Variants in KCTD21 observed in about 807,000 individuals in gnomAD.
The protein encoded by KCTD21 is potassium channel tetramerization domain containing 21, also known as BTB/POZ domain-containing protein KCTD21.
Under a neutral mutation model 13.2 loss-of-function variants are expected in KCTD21, and 9 were observed. That is an observed-to-expected ratio of 0.68 (90% confidence interval 0.41 to 1.19). The LOEUF is 1.19. KCTD21 is among the 50% of genes most tolerant of loss of function. The pLI is 0.01. For missense variants in KCTD21, 303 were observed against 336.5 expected, an observed-to-expected ratio of 0.90 and a Z score of 0.78; for synonymous variants, 142 against 137.4, an observed-to-expected ratio of 1.03 and a Z score of -0.23.
intron 1 of KCTD21, among the ~76,000 whole-genome samples, chr11:78,182,777 C>T (rs1430398062): frequency 1.1e-4 from 17 of 152,106 alleles, no homozygotes; most frequent in Admixed American, 9.8e-4. Flanking sequence ...TAGACGTCTT[C>T]GGCAGGAAGC....
At chr11:78,188,323 T>C in intron 1 of KCTD21, 1 of 981,312 alleles carries the variant, frequency 1.0e-6, no homozygotes, top group Non-Finnish European at 1.2e-6. Context: ...TTATCCGGGC[T>C]TTTCCGACTA....
rs994662768 is a variant in KCTD21 at position 78,188,220 on chromosome 11, C to A, written c.-30+353G>T. ...ACCCACTCCCCAGCCCTACAGCCCCCACTCCGACCTGACAAGTGCCCCACC... is the reference window on the plus strand; with the variant it reads ...ACCCACTCCCCAGCCCTACAGCCCCAACTCCGACCTGACAAGTGCCCCACC... On this transcript the variant is annotated intron_variant, in intron 1 of 1. Coordinates refer to ENST00000340067, the MANE Select transcript of KCTD21 (RefSeq NM_001029859.3). 4.9e-5 allele frequency: 48 copies of A among 984,908 alleles called. No individual in the cohort carries two copies. The East Asian group carries it at 5.7e-4, about 12-fold the overall frequency. 61.0% of individuals were successfully genotyped at this position (984,908 alleles called of 1,614,324 possible).
chr11:78,176,070 A>AT (rs1351214005), intron 1 of KCTD21, among the ~76,000 whole-genome samples: 1 of 152,082 alleles, frequency 6.6e-6, no homozygotes, highest in Non-Finnish European at 1.5e-5. Context: ...TGAACTCATC[A>AT]TTTTTTATGG....
intron 1 of KCTD21, among the ~76,000 whole-genome samples, chr11:78,186,461 G>C (rs1415625379): frequency 6.7e-6 from 1 of 148,434 alleles, no homozygotes; most frequent in Admixed American, 6.8e-5. Flanking sequence ...ATGGTATTCG[G>C]CATTACCTGG....
intron 1 of KCTD21, among the ~76,000 whole-genome samples, chr11:78,182,989 A>G (rs1862673487): frequency 6.6e-6 from 1 of 152,218 alleles, no homozygotes. Context: ...GTACTGAGTA[A>G]TGAAAATTGT....
rs1481264921 is a variant in KCTD21 at position 78,188,591 on chromosome 11, A to G, written c.-48T>C. 1.0e-6 allele frequency: 1 copy of G among 985,368 alleles called. No individual in the cohort carries two copies. Among genetic ancestry groups the G allele is most frequent in the Non-Finnish European group, 1.2e-6 (1 of 830,046 alleles). 61.0% of individuals were successfully genotyped at this position (985,368 alleles called of 1,614,324 possible). A position where few individuals can be genotyped will look rare whatever the true frequency, so the allele number is the denominator to read the frequency against. ...CACCCACCTCCTGCCCTCGCTCTGC[A>G]GCCTCTCCCTCCGCGAGCGGCCAGC... On this transcript the variant is annotated 5_prime_UTR_variant, in exon 1 of 2. Transcript: ENST00000340067.
chr11:78,181,554 G>A (rs941785081), intron 1 of KCTD21, among the ~76,000 whole-genome samples: 6 of 152,178 alleles, frequency 3.9e-5, no homozygotes, highest in African/African-American at 1.4e-4. Context: ...GGAGTGATGG[G>A]AATATTCTAT....
At chr11:78,181,068 C>T (rs1490528127) in intron 1 of KCTD21, among the ~76,000 whole-genome samples, 1 of 152,196 alleles carries the variant, frequency 6.6e-6, no homozygotes, top group Non-Finnish European at 1.5e-5. Flanking sequence ...AATTAAACCT[C>T]TTTCCTTTGT....
chr11:78,186,478 A>ATTTGAATC (rs1194056947), intron 1 of KCTD21, among the ~76,000 whole-genome samples: 1 of 149,118 alleles, frequency 6.7e-6, no homozygotes, highest in African/African-American at 2.5e-5. Flanking sequence ...CTGGGTTTGC[A>ATTTGAATC]TTTGAATCAT....
At chr11:78,176,254 C>T (rs891486946) in intron 1 of KCTD21, 10 of 152,234 alleles carry the variant, frequency 6.6e-5, no homozygotes, top group Non-Finnish European at 1.3e-4. Context: ...GCTGACTTGC[C>T]TTGCCATGAA....
At chr11:78,187,581 C>T (rs755287887) in intron 1 of KCTD21, 5 of 985,436 alleles carry the variant, frequency 5.1e-6, no homozygotes, top group South Asian at 4.7e-5. Flanking sequence ...CTCACTCTCA[C>T]GCTTCACCTT....
chr11:78,186,991 G>T, intron 1 of KCTD21: 1 of 985,364 alleles, frequency 1.0e-6, no homozygotes, highest in Non-Finnish European at 1.2e-6. Context: ...TCCCCACCTG[G>T]ATTTTCAAAA....
At chr11:78,182,536 G>T (rs189429722) in intron 1 of KCTD21, among the ~76,000 whole-genome samples, 64 of 152,298 alleles carry the variant, frequency 4.2e-4, no homozygotes, top group Admixed American at 9.8e-4. Flanking sequence ...GGTAATAAAT[G>T]TGAAGAGACA....
chr11:78,188,573 C>A lies in KCTD21; in HGVS notation c.-30G>T. 1.0e-6 allele frequency: 1 copy of A among 985,656 alleles called. No homozygotes were observed. Among genetic ancestry groups the A allele is most frequent in the South Asian group, 4.7e-5 (1 of 21,308 alleles). The allele number at this position is 985,656 out of a possible 1,614,324, so 61.1% of individuals were successfully genotyped here. A position where few individuals can be genotyped will look rare whatever the true frequency, so the allele number is the denominator to read the frequency against. On this transcript the variant is annotated splice_region_variant and 5_prime_UTR_variant, in exon 1 of 2. The change creates a new upstream start codon in the 5' untranslated region. Transcript: ENST00000340067. ...GCGACCCCGGCCGTGCCGCACCCACCTCCTGCCCTCGCTCTGCAGCCTCTC... is the reference window on the plus strand; with the variant it reads ...GCGACCCCGGCCGTGCCGCACCCACATCCTGCCCTCGCTCTGCAGCCTCTC...
chr11:78,177,505 T>C (rs1862489700), intron 1 of KCTD21, among the ~76,000 whole-genome samples: 1 of 152,154 alleles, frequency 6.6e-6, no homozygotes, highest in African/African-American at 2.4e-5. Flanking sequence ...GGGCTGAATC[T>C]GGCCAATTCT....
At chr11:78,187,995 G>C (rs1862846990) in intron 1 of KCTD21, 1 of 985,300 alleles carries the variant, frequency 1.0e-6, no homozygotes. Flanking sequence ...GAGATCACTG[G>C]TGTGCCGCAC....
intron 1 of KCTD21, chr11:78,188,215 G>A: frequency 2.0e-6 from 2 of 983,278 alleles, no homozygotes. Context: ...CAGCCCTACA[G>A]CCCCCACTCC....
At chr11:78,188,381 C>G (rs1242711303) in intron 1 of KCTD21, 192 bp downstream of exon 1, 1 of 985,526 alleles carries the variant, frequency 1.0e-6, no homozygotes, top group African/African-American at 1.7e-5. Context: ...TCTAAGAGCT[C>G]TGCCCACTTC....
chr11:78,182,279 C>T (rs948637952), intron 1 of KCTD21, among the ~76,000 whole-genome samples: 1 of 142,554 alleles, frequency 7.0e-6, no homozygotes, highest in Non-Finnish European at 1.5e-5. Context: ...GTGACAGAGC[C>T]AGGCCTTATC....
Sources: gnomAD v4.1 joint callset for allele counts (sites outside exome capture counted in the v4.1 genomes callset) on GRCh38, gnomAD v4.1.1 for gene constraint, MANE v1.5 for transcripts, NCBI Gene and HGNC (gene_info 2026-07-23, HGNC 2026-07-21) for gene names.